NXPH1: variants seen among roughly 807,000 people sequenced by gnomAD.
The protein encoded by NXPH1 is neurexophilin-1.
In NXPH1, 5 loss-of-function variants were observed where a neutral mutation model predicts 23.7. The observed-to-expected ratio is 0.21, with a 90% CI of 0.11 to 0.44. The LOEUF (loss-of-function observed/expected upper bound fraction) is 0.44. Among genes scored for constraint, NXPH1 ranks in the 20% least tolerant of loss-of-function variants. The probability of loss-of-function intolerance (pLI) is 0.99; values close to 1 mark genes in which losing one functional copy is unlikely to be tolerated. For synonymous variants in NXPH1, 144 were observed against 122.2 expected (o/e 1.18, Z -1.18); for missense variants, 324 against 321.6 (o/e 1.01, Z -0.06).
chr7:8,718,164 A>G (rs1779908746), intron 2 of NXPH1, among the ~76,000 whole-genome samples: 1 of 152,156 alleles, frequency 6.6e-6, no homozygotes, highest in Non-Finnish European at 1.5e-5. Flanking sequence ...AGTTTTACTT[A>G]CAGTGACAAA....
chr7:8,747,047 C>A (rs1273797252), intron 2 of NXPH1, among the ~76,000 whole-genome samples: 2 of 152,054 alleles, frequency 1.3e-5, no homozygotes, highest in African/African-American at 2.4e-5. Flanking sequence ...GAACAGTGTT[C>A]CAGGTACTGT....
At chr7:8,740,408 A>T (rs556835934) in intron 2 of NXPH1, among the ~76,000 whole-genome samples, 1 of 152,298 alleles carries the variant, frequency 6.6e-6, no homozygotes, top group South Asian at 2.1e-4. Context: ...CAAATTTTTC[A>T]GTTTTGTCTT....
intron 2 of NXPH1, among the ~76,000 whole-genome samples, chr7:8,480,342 A>G (rs1490178713): frequency 1.3e-5 from 2 of 152,192 alleles, no homozygotes; most frequent in Non-Finnish European, 2.9e-5. Flanking sequence ...TCCTCTGCTC[A>G]TATATGTGGC....
intron 2 of NXPH1, among the ~76,000 whole-genome samples, chr7:8,605,558 T>C (rs963915351): frequency 2.0e-5 from 3 of 152,100 alleles, no homozygotes; most frequent in Non-Finnish European, 2.9e-5. Flanking sequence ...GCAACAAAAA[T>C]TGACATCTGT....
intron 2 of NXPH1, among the ~76,000 whole-genome samples, chr7:8,475,084 T>G (rs1410689269): frequency 6.6e-6 from 1 of 152,110 alleles, no homozygotes; most frequent in African/African-American, 2.4e-5. Context: ...GGGAAGAGGG[T>G]GTTGAGAACT....
chr7:8,685,310 T>C (rs1488789754), intron 2 of NXPH1, among the ~76,000 whole-genome samples: 4 of 151,938 alleles, frequency 2.6e-5, no homozygotes, highest in Non-Finnish European at 4.4e-5. Flanking sequence ...TATTAAAATG[T>C]ATCCTTTTGA....
At chr7:8,561,074 G>A (rs1248412335) in intron 2 of NXPH1, among the ~76,000 whole-genome samples, 2 of 151,608 alleles carry the variant, frequency 1.3e-5, no homozygotes, top group African/African-American at 4.8e-5. Flanking sequence ...AAGGGCAGCA[G>A]CACCAATTAT....
In NXPH1 at chr7:8,434,717, G is replaced by A. The variant is rs1234440964; in HGVS notation, c.-149G>A. On this transcript the variant is annotated 5_prime_UTR_variant, in exon 1 of 3. Coordinates refer to ENST00000405863, the MANE Select transcript of NXPH1 (RefSeq NM_152745.3). This position sits in a 1 kb window ranked among gnomAD's most constrained non-coding sequence, Gnocchi z 7.6. Reference sequence around the variant, plus strand: ...AGCTTCTCCATGGAGCCTGCCCAGAGCGGTCCCTTCTCGCAGGATTCGCCC... The same window carrying A: ...AGCTTCTCCATGGAGCCTGCCCAGAACGGTCCCTTCTCGCAGGATTCGCCC... The A allele has an allele frequency of 6.5e-6, 1 of 152,748 alleles. No homozygotes were observed. The highest frequency in any genetic ancestry group is 2.4e-5 in the African/African-American group (1 of 41,446). The allele number at this position is 152,748 out of a possible 1,614,324, so 9.5% of individuals were successfully genotyped here.
Position 8,644,872 on chromosome 7 carries a change from T to C in NXPH1, c.55-106136T>C, listed in dbSNP as rs76143418. ...TGCTTTTAGTAATAATTTTACTATA[T>C]ATGTTTATCTCCCCAAACAGTATAT... On this transcript the variant is annotated intron_variant, in intron 2 of 2. Coordinates refer to ENST00000405863, the MANE Select transcript of NXPH1 (RefSeq NM_152745.3). 2.9e-3 allele frequency among the ~76,000 whole-genome samples: 447 copies of C among 152,322 alleles called. 3 individuals carry two copies. Among genetic ancestry groups the C allele is most frequent in the African/African-American group, 0.01 (435 of 41,584 alleles).
chr7:8,669,510 T>A (rs775682883), intron 2 of NXPH1, among the ~76,000 whole-genome samples: 1 of 152,140 alleles, frequency 6.6e-6, no homozygotes, highest in Non-Finnish European at 1.5e-5. Context: ...GCTTGGAGGT[T>A]CAGTCTGAGG....
At chr7:8,664,695 T>G (rs1820733316) in intron 2 of NXPH1, among the ~76,000 whole-genome samples, 1 of 152,052 alleles carries the variant, frequency 6.6e-6, no homozygotes, top group African/African-American at 2.4e-5. Context: ...ACACTTCTCA[T>G]TTTTTGTCTT....
chr7:8,708,024 A>C (rs1186578651), intron 2 of NXPH1, among the ~76,000 whole-genome samples: 1 of 152,162 alleles, frequency 6.6e-6, no homozygotes, highest in Non-Finnish European at 1.5e-5. Context: ...ATATGCACTC[A>C]TATATATGAA....
rs374333858 is a variant in NXPH1, at chr7:8,751,005, C to T, written c.55-3C>T. 2.5e-6 allele frequency: 4 copies of T among 1,612,668 alleles called. No individual in the cohort carries two copies. Among genetic ancestry groups the T allele is most frequent in the Admixed American group, 1.7e-5 (1 of 59,940 alleles). On this transcript the variant is annotated splice_region_variant and splice_polypyrimidine_tract_variant and intron_variant, in intron 2 of 2. Transcript: ENST00000405863. The surrounding 1 kb of genome is among the most constrained non-coding windows in gnomAD (Gnocchi z 4.5). The stretch of plus-strand genomic sequence containing the variant: ...AAATGCCATTTTTCTCTTCTGTTTT[C>T]AGGTCACATGTGCCAATTTAACGAA...
At chr7:8,587,355 G>A (rs923911661) in intron 2 of NXPH1, among the ~76,000 whole-genome samples, 2 of 151,850 alleles carry the variant, frequency 1.3e-5, no homozygotes, top group Non-Finnish European at 2.9e-5. Flanking sequence ...AGGCTGGAGT[G>A]CAGTGGCTAT....
chr7:8,529,818 A>C (rs1338786780), intron 2 of NXPH1, among the ~76,000 whole-genome samples: 1 of 152,166 alleles, frequency 6.6e-6, no homozygotes, highest in Non-Finnish European at 1.5e-5. Context: ...AAAATGGTCC[A>C]GAGTAATTAC....
intron 2 of NXPH1, among the ~76,000 whole-genome samples, chr7:8,459,287 A>G (rs1816651948): frequency 1.3e-5 from 2 of 152,174 alleles, no homozygotes; most frequent in African/African-American, 4.8e-5. Context: ...TATCATGTAG[A>G]GACTTCACTG....
chr7:8,551,792 A>G (rs1036485353), intron 2 of NXPH1, among the ~76,000 whole-genome samples: 1 of 151,488 alleles, frequency 6.6e-6, no homozygotes, highest in Non-Finnish European at 1.5e-5. Context: ...AATGAGCAAG[A>G]AAACAGTGTT....
intron 2 of NXPH1, among the ~76,000 whole-genome samples, chr7:8,713,629 G>A (rs1779830846): frequency 6.6e-6 from 1 of 152,072 alleles, no homozygotes; most frequent in African/African-American, 2.4e-5. Flanking sequence ...AGACTTGTGT[G>A]CTGTGATCTA....
At chr7:8,561,170 A>G (rs926091078) in intron 2 of NXPH1, among the ~76,000 whole-genome samples, 35 of 151,666 alleles carry the variant, frequency 2.3e-4, no homozygotes, top group Non-Finnish European at 4.0e-4. Context: ...TTGTAACTCA[A>G]TGCTTCCTTG....
Sources: gnomAD v4.1 joint callset for allele counts (sites outside exome capture counted in the v4.1 genomes callset) on GRCh38, gnomAD v4.1.1 for gene constraint, Gnocchi (gnomAD v3.1) non-coding constraint, MANE v1.5 for transcripts, NCBI Gene and HGNC (gene_info 2026-07-23, HGNC 2026-07-21) for gene names.